The following DEPDC5 variants were observed in gnomAD, a reference collection of about 807,000 sequenced individuals.
DEPDC5 encodes the protein DEP domain containing 5, GATOR1 subcomplex subunit.
Under a neutral mutation model 217.3 loss-of-function variants are expected in DEPDC5, and 73 were observed. The ratio of observed to expected loss-of-function variants is 0.34; its 90% CI spans 0.28 to 0.41. The LOEUF (loss-of-function observed/expected upper bound fraction) is 0.41. Ranked by LOEUF, DEPDC5 falls within the 10% of genes least tolerant of loss-of-function variation. The probability of loss-of-function intolerance (pLI) is 1.00; values close to 1 mark genes in which losing one functional copy is unlikely to be tolerated. For synonymous variants in DEPDC5, 733 were observed against 756.7 expected (o/e 0.97, Z 0.51); for missense variants, 1,675 against 2,070.1 (o/e 0.81, Z 3.70).
chr22:31,781,851 A>G (rs938811388), intron 8 of DEPDC5, among the ~76,000 whole-genome samples: 10 of 152,068 alleles, frequency 6.6e-5, no homozygotes, highest in African/African-American at 2.4e-4. Context: ...CCAGGGCAAC[A>G]GAGGGAGACC....
intron 37 of DEPDC5, among the ~76,000 whole-genome samples, chr22:31,879,029 C>CAAAG (rs1425789379): frequency 4.7e-4 from 32 of 68,132 alleles, no homozygotes; most frequent in African/African-American, 1.8e-3. Context: ...GACTCCGTCT[C>CAAAG]AAAAAAAAAA....
intron 14 of DEPDC5, 32 bp from the exon 15 acceptor site, chr22:31,802,672 T>C (rs761904203): frequency 7.9e-6 from 12 of 1,515,546 alleles, no homozygotes; most frequent in Non-Finnish European, 1.1e-5. Context: ...AGCTGTAACA[T>C]CATTATTGTG....
intron 10 of DEPDC5, among the ~76,000 whole-genome samples, chr22:31,791,647 G>T (rs1170010421): frequency 7.6e-6 from 1 of 130,948 alleles, no homozygotes; most frequent in African/African-American, 2.9e-5. Flanking sequence ...AAAAAAAAAG[G>T]GCTGGGCACA....
At chr22:31,872,414 A>G (rs737084) in intron 34 of DEPDC5, among the ~76,000 whole-genome samples, 29,402 of 152,178 alleles carry the variant, frequency 0.19, 3,217 homozygotes, top group African/African-American at 0.29. Context: ...TCGTATAAAC[A>G]TTCGCCTCAC....
At chr22:31,876,568 T>C (rs1462801174) in intron 37 of DEPDC5, among the ~76,000 whole-genome samples, 1 of 152,068 alleles carries the variant, frequency 6.6e-6, no homozygotes, top group Non-Finnish European at 1.5e-5. Context: ...TTAATTAGAG[T>C]GCCCCACCCC....
rs1442921020 is a variant in DEPDC5 at position 31,864,163 on chromosome 22, C to A, written c.3330+2730C>A. 7.3e-5 allele frequency among the ~76,000 whole-genome samples: 11 copies of A among 149,676 alleles called. No individual in the cohort carries two copies. The East Asian group carries it at 2.0e-3, about 27-fold the overall frequency. ...CATTCTTGTTGCCCAGGCTGGAGTA[C>A]AATGGCGCAGTCTCTGCTCACTGCA... On this transcript the variant is annotated intron_variant, in intron 33 of 42. Coordinates refer to ENST00000651528, the MANE Select transcript of DEPDC5 (RefSeq NM_001242896.3).
At chr22:31,781,173 G>A (rs568908480) in intron 8 of DEPDC5, among the ~76,000 whole-genome samples, 2 of 149,014 alleles carry the variant, frequency 1.3e-5, no homozygotes, top group Admixed American at 6.7e-5. Context: ...CCAAGATCGC[G>A]CCATTGCACT....
At chr22:31,758,930 T>C (rs1056570202) in intron 3 of DEPDC5, among the ~76,000 whole-genome samples, 1 of 147,098 alleles carries the variant, frequency 6.8e-6, no homozygotes, top group African/African-American at 2.5e-5. Flanking sequence ...TGAGATGGAG[T>C]CTAGCTCTGT....
chr22:31,900,274 T>C (rs1004966626), intron 40 of DEPDC5, among the ~76,000 whole-genome samples: 1 of 151,490 alleles, frequency 6.6e-6, no homozygotes, highest in African/African-American at 2.4e-5. Flanking sequence ...CTCAAACTCC[T>C]GACCTCAGGT....
chr22:31,814,952 T>C (rs1325028221), intron 20 of DEPDC5, 40 bp from the exon 21 acceptor site: 1 of 1,608,268 alleles, frequency 6.2e-7, no homozygotes, highest in Non-Finnish European at 8.5e-7. Context: ...TAGGACAGCA[T>C]CCCTCGCTTG....
At chr22:31,769,767 C>A (rs2083168158) in intron 7 of DEPDC5, 1 of 151,400 alleles carries the variant, frequency 6.6e-6, no homozygotes, top group Non-Finnish European at 1.5e-5. Flanking sequence ...CAAAAAAATA[C>A]AAAAATTAGC....
chr22:31,826,232 A>G (rs1480503187), intron 24 of DEPDC5, among the ~76,000 whole-genome samples: 2 of 152,012 alleles, frequency 1.3e-5, no homozygotes, highest in Non-Finnish European at 2.9e-5. Flanking sequence ...GTCTCAAACT[A>G]CTGGCCTCCT....
At position 31,843,645 on chromosome 22, in the gene DEPDC5, G is replaced by A. The variant is rs1273808428; in HGVS notation, c.2634G>A (p.Lys878=). Residue 878 remains lysine (K), a splice_region_variant and synonymous_variant, in exon 29 of 43, where the codon AAG becomes AAA. Coordinates refer to ENST00000651528, the MANE Select transcript of DEPDC5 (RefSeq NM_001242896.3). ...KMITVTRYLP[K]YPYESAQIHY... ...TGGGGACCTGCCCTTTATTTTGCAG[G>A]TATCCTTATGAATCTGCCCAGATCC... 4.4e-6 allele frequency: 7 copies of A among 1,590,920 alleles called. No homozygotes were observed. The highest frequency in any genetic ancestry group is 5.2e-6 in the Non-Finnish European group (6 of 1,163,080).
chr22:31,775,579 A>T (rs1208481937), intron 7 of DEPDC5, among the ~76,000 whole-genome samples: 1 of 152,114 alleles, frequency 6.6e-6, no homozygotes, highest in Non-Finnish European at 1.5e-5. Context: ...TGGTTGAGGG[A>T]TGATTGATTA....
At chr22:31,807,423 TTTG>T (rs1232598182) in intron 18 of DEPDC5, among the ~76,000 whole-genome samples, 1 of 152,138 alleles carries the variant, frequency 6.6e-6, no homozygotes, top group African/African-American at 2.4e-5. Flanking sequence ...TTAACAAGTG[TTTG>T]TTGTTGTCGT....
At chr22:31,898,493 A>C (rs1385372365) in intron 40 of DEPDC5, among the ~76,000 whole-genome samples, 1 of 152,200 alleles carries the variant, frequency 6.6e-6, no homozygotes, top group Non-Finnish European at 1.5e-5. Flanking sequence ...AGGAGCCCTG[A>C]GGTTTCTCAG....
intron 6 of DEPDC5, among the ~76,000 whole-genome samples, chr22:31,768,075 A>T (rs1295708908): frequency 6.7e-6 from 1 of 150,128 alleles, no homozygotes; most frequent in Non-Finnish European, 1.5e-5. Context: ...TTTTTATTAT[A>T]TTTTAATTGT....
Position 31,855,408 on chromosome 22 carries a change from G to A in DEPDC5, c.3156-2037G>A, listed in dbSNP as rs1222262317. ...TTTTTTTTTTTTGCGACGGAGTCTC[G>A]CTCTGTCGCCCAGGCTGGAGTGCAG... is the stretch of plus-strand genomic sequence containing the variant. On this transcript the variant is annotated intron_variant, in intron 31 of 42. Transcript: ENST00000651528. 1.2e-4 allele frequency among the ~76,000 whole-genome samples: 18 copies of A among 147,222 alleles called. No homozygotes were observed. The South Asian group carries it at 2.5e-3, about 21-fold the overall frequency.
chr22:31,827,269 CCT>C (rs1369539799), intron 24 of DEPDC5, among the ~76,000 whole-genome samples: 2 of 152,190 alleles, frequency 1.3e-5, no homozygotes, highest in Non-Finnish European at 2.9e-5. Flanking sequence ...CCATCTTTGA[CCT>C]TAAGCTACCT....
Sources: gnomAD v4.1 joint callset for allele counts (sites outside exome capture counted in the v4.1 genomes callset) on GRCh38, gnomAD v4.1.1 for gene constraint, MANE v1.5 for transcripts, NCBI Gene and HGNC (gene_info 2026-07-23, HGNC 2026-07-21) for gene names.